Variants in C16orf89 observed in about 807,000 individuals in gnomAD.
C16orf89 encodes the protein chromosome 16 open reading frame 89.
A neutral mutation model predicts 41.5 loss-of-function variants in C16orf89; 57 were observed. That is an observed-to-expected ratio of 1.38 (90% CI 1.11 to 1.71). The LOEUF is 1.71. C16orf89 is among the 40% of genes most tolerant of loss of function. C16orf89 has a pLI of 0.00. For missense variants in C16orf89, 575 were observed against 445.9 expected (o/e 1.29, Z -2.61); for synonymous variants, 223 against 190.6 (o/e 1.17, Z -1.40).
intron 5 of C16orf89, chr16:5,055,634 G>A: frequency 6.8e-7 from 1 of 1,475,752 alleles, no homozygotes. Flanking sequence ...AGCCTCCCAA[G>A]CGCTCCCTGT....
intron 1 of C16orf89, among the ~76,000 whole-genome samples, chr16:5,064,754 G>A (rs902806848): frequency 5.1e-4 from 77 of 152,340 alleles, no homozygotes; most frequent in African/African-American, 1.7e-3. Flanking sequence ...CGTGGGTGGA[G>A]AAGCCGGGCT....
At chr16:5,047,082 G>T (rs1292390524) in intron 7 of C16orf89, among the ~76,000 whole-genome samples, 2 of 152,122 alleles carry the variant, frequency 1.3e-5, no homozygotes, top group East Asian at 3.9e-4. Context: ...TTGCCTACTG[G>T]TTTCGACCAA....
intron 6 of C16orf89, among the ~76,000 whole-genome samples, chr16:5,054,360 G>T (rs1956450819): frequency 6.6e-6 from 1 of 152,162 alleles, no homozygotes. Context: ...TGGCTGGGAA[G>T]TGGCTGAGTC....
chr16:5,055,475 A>T, intron 5 of C16orf89, 125 bp from the exon 6 acceptor site: 1 of 1,020,118 alleles, frequency 9.8e-7, no homozygotes, highest in Non-Finnish European at 1.4e-6. Flanking sequence ...GTGGGCGTTC[A>T]ATGCAGAGGA....
At chr16:5,046,076 A>C (rs1956290433) in intron 7 of C16orf89, among the ~76,000 whole-genome samples, 1 of 152,154 alleles carries the variant, frequency 6.6e-6, no homozygotes, top group South Asian at 2.1e-4. Context: ...AGGCCTAGCT[A>C]GGGTAGGACC....
intron 7 of C16orf89, 88 bp from the exon 8 acceptor site, chr16:5,044,566 G>T (rs1956259392): frequency 6.4e-7 from 1 of 1,567,534 alleles, no homozygotes; most frequent in African/African-American, 1.3e-5. Context: ...TTTTCAGCCA[G>T]ACGCGGTGGC....
Position 5,058,492 on chromosome 16 carries a change from C to A in C16orf89, c.627+1G>T. The A allele has an allele frequency of 6.2e-7, 1 of 1,600,746 alleles. No homozygotes were observed. The highest frequency in any genetic ancestry group is 8.5e-7 in the Non-Finnish European group (1 of 1,170,226). On this transcript the variant is annotated splice_donor_variant, in intron 4 of 7. Transcript: ENST00000472572. LOFTEE classifies it high-confidence loss of function. The stretch of plus-strand genomic sequence containing the variant: ...ACGGCGGGGGCTCCCTGGGCACTCA[C>A]CATTCTGGCCCAGAGGAAGAAGAGC...
At position 5,044,384 on chromosome 16, in the gene C16orf89, T is replaced by C. The variant is rs1163091189; in HGVS notation, c.1050A>G (p.Pro350=). ...LAEYPPANRE[P]HPSTPPPPSS... ...TTGGTGGTGGCGGTGTGGATGGGTG[T>C]GGCTCTCTGTTTGCTGGGGGGTATT... The change falls in exon 8 of 8, where the codon CCA becomes CCG. Residue 350 remains proline (P), a synonymous_variant. Transcript: ENST00000472572. 1.2e-6 allele frequency: 2 copies of C among 1,611,912 alleles called. No individual in the cohort carries two copies. Among genetic ancestry groups the C allele is most frequent in the Admixed American group, 1.7e-5 (1 of 59,858 alleles).
At chr16:5,046,641 G>A (rs953485023) in intron 7 of C16orf89, among the ~76,000 whole-genome samples, 1 of 152,190 alleles carries the variant, frequency 6.6e-6, no homozygotes, top group African/African-American at 2.4e-5. Context: ...ATGAGCCACT[G>A]TGGCTGTCCT....
chr16:5,049,911 GT>G (rs1259766450), intron 6 of C16orf89, among the ~76,000 whole-genome samples: 1 of 151,974 alleles, frequency 6.6e-6, no homozygotes, highest in Non-Finnish European at 1.5e-5. Flanking sequence ...GAAACAAAAA[GT>G]TGGTTTTTAA....
rs888613860 is a variant in C16orf89, at chr16:5,055,547, C to A, written c.764-197G>T. ...AGGGGCTCCCATGCTTGTGTCCCGC[C>A]TCCCACTGAGGGCCTTGGTCAGGGC... On this transcript the variant is annotated intron_variant, in intron 5 of 7. Transcript: ENST00000472572. 5 of 1,036,776 alleles carry A rather than the reference C, an allele frequency of 4.8e-6. No individual in the cohort carries two copies. In the African/African-American group the frequency reaches 6.4e-5, roughly 13 times the overall value. 64.2% of individuals were successfully genotyped at this position (1,036,776 alleles called of 1,614,324 possible). A position where few individuals can be genotyped will look rare whatever the true frequency, so the allele number is the denominator to read the frequency against.
intron 5 of C16orf89, chr16:5,055,753 G>T: frequency 2.0e-6 from 3 of 1,532,860 alleles, no homozygotes; most frequent in Non-Finnish European, 1.7e-6. Context: ...TCACACAGTG[G>T]CAGGTAAAAT....
At position 5,065,913 on chromosome 16, in the gene C16orf89, G is replaced by T; in HGVS notation, c.-5C>A. The T allele has an allele frequency of 1.9e-6, 3 of 1,611,788 alleles. No individual in the cohort carries two copies. Among genetic ancestry groups the T allele is most frequent in the Non-Finnish European group, 2.5e-6 (3 of 1,179,132 alleles). On this transcript the variant is annotated 5_prime_UTR_variant, in exon 1 of 8. Coordinates refer to ENST00000472572, the MANE Select transcript of C16orf89 (RefSeq NM_001098514.3). ...CAGCAGCCCCAGGCTGGCCATGGCC[G>T]GCCTCTGCTCACTGCTGGTCACACG...
At position 5,055,979 on chromosome 16, in the gene C16orf89, GTGTGTGT is replaced by G. The variant is rs1956492705; in HGVS notation, c.763+67_763+73del. 4.0e-6 allele frequency: 4 copies of G among 1,009,250 alleles called. No homozygotes were observed. The South Asian group carries it at 5.9e-5, about 15-fold the overall frequency. 62.5% of individuals were successfully genotyped at this position (1,009,250 alleles called of 1,614,324 possible). On this transcript the variant is annotated intron_variant, in intron 5 of 7. Coordinates refer to ENST00000472572, the MANE Select transcript of C16orf89 (RefSeq NM_001098514.3). The stretch of plus-strand genomic sequence containing the variant: ...TGTGTGTGTGTGTGTGTGTGTGTGT[GTGTGTGT>G]GTGTGTGTGTGTGTTGGTGGGGGGA...
At chr16:5,059,630 C>G (rs1397031530) in intron 3 of C16orf89, among the ~76,000 whole-genome samples, 1 of 152,134 alleles carries the variant, frequency 6.6e-6, no homozygotes, top group East Asian at 1.9e-4. Flanking sequence ...GGGCCCTGCA[C>G]CTAGGGCTGC....
At position 5,044,126 on chromosome 16, in the gene C16orf89, T is replaced by C. The variant is rs1596678469; in HGVS notation, c.*222A>G. On this transcript the variant is annotated 3_prime_UTR_variant, in exon 8 of 8. Coordinates refer to ENST00000472572, the MANE Select transcript of C16orf89 (RefSeq NM_001098514.3). ...GAAACAAGACTCAACCCTGGGTCAGTTGCAGTTGAACTTTATTCATCCGTT... is the reference window on the plus strand; with the variant it reads ...GAAACAAGACTCAACCCTGGGTCAGCTGCAGTTGAACTTTATTCATCCGTT... 1.6e-6 allele frequency: 2 copies of C among 1,259,194 alleles called. No individual in the cohort carries two copies. Among genetic ancestry groups the C allele is most frequent in the East Asian group, 3.5e-5 (1 of 28,636 alleles). 78.0% of individuals were successfully genotyped at this position (1,259,194 alleles called of 1,614,324 possible).
intron 6 of C16orf89, among the ~76,000 whole-genome samples, chr16:5,049,055 A>T (rs1324779030): frequency 1.3e-5 from 2 of 152,246 alleles, no homozygotes; most frequent in African/African-American, 4.8e-5. Flanking sequence ...AACCAGAAGG[A>T]AGAAGGAGTA....
chr16:5,056,331 C>G, intron 4 of C16orf89, 143 bp from the exon 5 acceptor site: 1 of 708,344 alleles, frequency 1.4e-6, no homozygotes, highest in Non-Finnish European at 2.1e-6. Context: ...TCTTTTTCTC[C>G]TTTTCGCAGG....
Position 5,062,432 on chromosome 16 carries a change from G to GTACTTGGGA in C16orf89, c.342_350dup (p.Pro115_Tyr117dup). On this transcript the variant is annotated inframe_insertion, in exon 2 of 8. Coordinates refer to ENST00000472572, the MANE Select transcript of C16orf89 (RefSeq NM_001098514.3). Reference sequence around the variant, plus strand: ...CACCCTGCGTGTGCTCACCTCTTAGGTACTTGGGATCACTCAGCTTGAGGT... The same window carrying GTACTTGGGA: ...CACCCTGCGTGTGCTCACCTCTTAGGTACTTGGGATACTTGGGATCACTCAGCTTGAGGT... 1 of 1,612,706 alleles carries GTACTTGGGA rather than the reference G, an allele frequency of 6.2e-7. No homozygotes were observed. The highest frequency in any genetic ancestry group is 8.5e-7 in the Non-Finnish European group (1 of 1,179,528).
Sources: gnomAD v4.1 joint callset for allele counts (sites outside exome capture counted in the v4.1 genomes callset) on GRCh38, gnomAD v4.1.1 for gene constraint, MANE v1.5 for transcripts, NCBI Gene and HGNC (gene_info 2026-07-23, HGNC 2026-07-21) for gene names.